CUL2: variants seen among roughly 807,000 people sequenced by gnomAD.
CUL2 encodes cullin-2.
Under a neutral mutation model 110.2 loss-of-function variants are expected in CUL2, and 22 were observed. The observed-to-expected ratio is 0.20, with a 90% CI of 0.14 to 0.28. The LOEUF (loss-of-function observed/expected upper bound fraction) is 0.28. Ranked by LOEUF, CUL2 falls within the 10% of genes least tolerant of loss-of-function variation. The pLI is 1.00. For synonymous variants in CUL2, 279 were observed against 293.2 expected, an observed-to-expected ratio of 0.95 and a Z score of 0.49; for missense variants, 631 against 905.5, an observed-to-expected ratio of 0.70 and a Z score of 3.89.
rs141211442 is a variant in CUL2 at position 35,028,849 on chromosome 10, C to T, written c.1578G>A (p.Thr526=). Residue 526 remains threonine, a synonymous_variant, in exon 16 of 21, where the codon ACG becomes ACA. Transcript: ENST00000374749. ...TTTCTAATTCCTGGGGAATTGCAAA[C>T]GTAGATGAAGGAGCCTGAGTAAGAG... is the stretch of plus-strand genomic sequence containing the variant. ...AWPLTQAPSS[T]FAIPQELEKS... 255 of 1,611,904 alleles carry T rather than the reference C, an allele frequency of 1.6e-4. No individual in the cohort carries two copies. The African/African-American group carries it at 3.0e-3, about 19-fold the overall frequency.
At chr10:35,037,975 A>T (rs1194124701) in intron 9 of CUL2, among the ~76,000 whole-genome samples, 1 of 151,924 alleles carries the variant, frequency 6.6e-6, no homozygotes, top group Non-Finnish European at 1.5e-5. Flanking sequence ...CAACATGGTG[A>T]CACCCCGTCT....
intron 4 of CUL2, among the ~76,000 whole-genome samples, chr10:35,055,563 T>G (rs1344667588): frequency 6.6e-6 from 1 of 152,162 alleles, no homozygotes; most frequent in Non-Finnish European, 1.5e-5. Flanking sequence ...AGACTGTCTC[T>G]TAAGGAAATA....
At chr10:35,032,390 T>C (rs2085500575) in intron 12 of CUL2, 45 bp downstream of exon 12, 1 of 1,502,748 alleles carries the variant, frequency 6.7e-7, no homozygotes, top group Non-Finnish European at 9.1e-7. Context: ...CATTTTCTAA[T>C]ACTGACTTTT....
At position 35,102,137 on chromosome 10, in the gene CUL2, G is replaced by A. The variant is rs530655944; in HGVS notation, c.-50-1077C>T. 2.6e-5 allele frequency among the ~76,000 whole-genome samples: 4 copies of A among 152,240 alleles called. No individual in the cohort carries two copies. In the East Asian group the frequency reaches 5.8e-4, roughly 22 times the overall value. ...TGCCTGTAATCCCAGCTACTTGAAA[G>A]GCTGAGGCAGGAGAATCGCTTGAAC... On this transcript the variant is annotated intron_variant, in intron 1 of 5. Transcript: ENST00000685421.
intron 2 of CUL2, among the ~76,000 whole-genome samples, chr10:35,066,571 T>C (rs924429936): frequency 1.3e-5 from 2 of 152,242 alleles, no homozygotes; most frequent in African/African-American, 4.8e-5. Flanking sequence ...AGTGCTGGGA[T>C]TACAGGCGTG....
At chr10:35,036,608 A>G (rs1220522097) in intron 9 of CUL2, among the ~76,000 whole-genome samples, 1 of 152,006 alleles carries the variant, frequency 6.6e-6, no homozygotes, top group Admixed American at 6.5e-5. Flanking sequence ...ACTTCTTTCT[A>G]TGTTTATTGG....
chr10:35,073,958 T>C (rs1436811810), intron 1 of CUL2: 12 of 684,476 alleles, frequency 1.8e-5, no homozygotes, highest in Non-Finnish European at 2.9e-5. Flanking sequence ...ATTCAGAAAC[T>C]TGCTTAAGGT....
intron 1 of CUL2, chr10:35,120,011 T>C (rs2087659394): frequency 6.6e-6 from 1 of 152,202 alleles, no homozygotes; most frequent in Admixed American, 6.5e-5. Context: ...CAAAAAAACG[T>C]TTGGCCCCAA....
At chr10:35,028,708 C>A in intron 16 of CUL2, 102 bp downstream of exon 16, 6 of 675,546 alleles carry the variant, frequency 8.9e-6, no homozygotes, top group Non-Finnish European at 1.5e-5. Flanking sequence ...CTATTTTTAT[C>A]ACATGAACCC....
At chr10:35,021,518 CAT>C (rs74508187) in intron 17 of CUL2, among the ~76,000 whole-genome samples, 5 of 147,844 alleles carry the variant, frequency 3.4e-5, no homozygotes, top group South Asian at 2.2e-4. Flanking sequence ...ATAATTAATA[CAT>C]GTTTATATTA....
chr10:35,033,741 A>G (rs2085538493), intron 10 of CUL2, among the ~76,000 whole-genome samples: 1 of 106,124 alleles, frequency 9.4e-6, no homozygotes, highest in Non-Finnish European at 1.9e-5. Context: ...CGTCTCAGAA[A>G]AACAACAACA....
intron 6 of CUL2, among the ~76,000 whole-genome samples, chr10:35,047,033 A>C (rs567419434): frequency 2.0e-5 from 3 of 152,250 alleles, no homozygotes; most frequent in Non-Finnish European, 2.9e-5. Context: ...GAGAAGAAGC[A>C]TATCTTGATA....
At chr10:35,051,946 A>G (rs535092570) in intron 5 of CUL2, among the ~76,000 whole-genome samples, 1 of 152,304 alleles carries the variant, frequency 6.6e-6, no homozygotes, top group South Asian at 2.1e-4. Context: ...GTATTTTTTA[A>G]GAAATCCTTC....
At chr10:35,100,551 C>G (rs974089327) in intron 2 of CUL2, among the ~76,000 whole-genome samples, 1 of 152,020 alleles carries the variant, frequency 6.6e-6, no homozygotes, top group African/African-American at 2.4e-5. Context: ...CACTTGAGGT[C>G]AGGAATTTAA....
intron 17 of CUL2, among the ~76,000 whole-genome samples, chr10:35,021,433 G>GTATA (rs771764199): frequency 2.7e-5 from 4 of 149,840 alleles, no homozygotes; most frequent in African/African-American, 9.9e-5. Context: ...ATATATGTAT[G>GTATA]TATATATATA....
At chr10:35,113,498 C>CA (rs59518617) in intron 1 of CUL2, among the ~76,000 whole-genome samples, 6,355 of 33,328 alleles carry the variant, frequency 0.19, 1,997 homozygotes, top group East Asian at 0.37. Flanking sequence ...GACTCTGCCT[C>CA]AAAAAAAAAA....
chr10:35,020,153 T>C (rs1197211572), intron 17 of CUL2, among the ~76,000 whole-genome samples: 1 of 146,856 alleles, frequency 6.8e-6, no homozygotes, highest in Non-Finnish European at 1.5e-5. Flanking sequence ...ATACAAGGAA[T>C]AGAAAACAAA....
chr10:35,051,543 G>A (rs1295185324), intron 5 of CUL2, among the ~76,000 whole-genome samples: 2 of 152,156 alleles, frequency 1.3e-5, no homozygotes, highest in Non-Finnish European at 2.9e-5. Flanking sequence ...AACCGGCCGG[G>A]CGGAGCCTGC....
intron 4 of CUL2, among the ~76,000 whole-genome samples, chr10:35,055,442 A>G (rs996871334): frequency 5.3e-5 from 8 of 152,246 alleles, no homozygotes; most frequent in Non-Finnish European, 1.2e-4. Flanking sequence ...AATTAAACAC[A>G]TAATTCCTGG....
Sources: gnomAD v4.1 joint callset for allele counts (sites outside exome capture counted in the v4.1 genomes callset) on GRCh38, gnomAD v4.1.1 for gene constraint, MANE v1.5 for transcripts, NCBI Gene and HGNC (gene_info 2026-07-23, HGNC 2026-07-21) for gene names.